GDA: variants seen among roughly 807,000 people sequenced by gnomAD.
The protein encoded by GDA is cytoplasmic PSD-95 interactor.
GDA carries 18 observed loss-of-function variants against 59.6 expected under a neutral mutation model. The ratio of observed to expected loss-of-function variants is 0.30; its 90% CI spans 0.21 to 0.45. The LOEUF (loss-of-function observed/expected upper bound fraction) is 0.45. Ranked by LOEUF, GDA falls within the 20% of genes least tolerant of loss-of-function variation. GDA has a pLI of 1.00. For synonymous variants in GDA, 201 were observed against 201.1 expected, an observed-to-expected ratio of 1.00 and a Z score of 0.00; for missense variants, 427 against 552.3, an observed-to-expected ratio of 0.77 and a Z score of 2.27.
At chr9:72,192,917 GATGCA>G (rs1016255009) in intron 1 of GDA, among the ~76,000 whole-genome samples, 1 of 151,992 alleles carries the variant, frequency 6.6e-6, no homozygotes, top group African/African-American at 2.4e-5. Context: ...ACAACAGTCT[GATGCA>G]TTCTTCATTA....
chr9:72,255,960 G>C (rs889461731), downstream of GDA, among the ~76,000 whole-genome samples: 1 of 134,108 alleles, frequency 7.5e-6, no homozygotes, highest in African/African-American at 2.8e-5. Context: ...GACTAAATAA[G>C]AAGTCAGTAT....
rs1332361299 is a variant in GDA, at chr9:72,249,686, A to T, written c.*1344A>T. ...GTTATTTAAATTCTATATTTTTCTT[A>T]TTTAATTACAAATACTATAAATGAG... On this transcript the variant is annotated 3_prime_UTR_variant, in exon 14 of 14. Transcript: ENST00000358399. The T allele has an allele frequency of 7.6e-5, 50 of 653,626 alleles. No homozygotes were observed. Among genetic ancestry groups the T allele is most frequent in the Non-Finnish European group, 9.3e-5 (49 of 527,378 alleles). The allele number at this position is 653,626 out of a possible 1,614,324, so 40.5% of individuals were successfully genotyped here.
intron 1 of GDA, among the ~76,000 whole-genome samples, chr9:72,186,018 G>T (rs954839787): frequency 2.0e-5 from 3 of 152,154 alleles, no homozygotes; most frequent in African/African-American, 7.2e-5. Context: ...TTAATGACTT[G>T]TGTATATGCT....
intron 1 of GDA, among the ~76,000 whole-genome samples, chr9:72,168,302 A>G (rs1563919741): frequency 1.3e-5 from 2 of 151,214 alleles, no homozygotes; most frequent in Non-Finnish European, 2.9e-5. Context: ...CAGGAGGCTT[A>G]GGTAGAGTAC....
intron 1 of GDA, among the ~76,000 whole-genome samples, chr9:72,120,944 G>C (rs1227009974): frequency 6.6e-6 from 1 of 152,044 alleles, no homozygotes. Flanking sequence ...TTCTCTACTT[G>C]TGCTCTGGAT....
At position 72,229,964 on chromosome 9, in the gene GDA, C is replaced by A. The variant is rs1414519651; in HGVS notation, c.921-1150C>A. Among the ~76,000 whole-genome samples, 9 of 152,226 alleles carry A rather than the reference C, an allele frequency of 5.9e-5. No individual in the cohort carries two copies. The East Asian group carries it at 1.7e-3, about 29-fold the overall frequency. On this transcript the variant is annotated intron_variant, in intron 9 of 13. Coordinates refer to ENST00000358399, the MANE Select transcript of GDA (RefSeq NM_004293.5). The stretch of plus-strand genomic sequence containing the variant: ...TTTAACACCCATTGGGTGTTAATAT[C>A]CTCTAAATTAAAGCATAATCTAGCT...
At chr9:72,162,772 C>T (rs1828797693) in intron 1 of GDA, among the ~76,000 whole-genome samples, 1 of 152,038 alleles carries the variant, frequency 6.6e-6, no homozygotes, top group African/African-American at 2.4e-5. Flanking sequence ...ATTCTCCTGC[C>T]TCAGCCTCCC....
intron 1 of GDA, among the ~76,000 whole-genome samples, chr9:72,159,743 T>C (rs1328880963): frequency 3.3e-5 from 5 of 152,224 alleles, no homozygotes; most frequent in Non-Finnish European, 7.3e-5. Flanking sequence ...AAAACTTAAA[T>C]AATTACTTTT....
chr9:72,228,078 T>G (rs764854501), intron 9 of GDA, 38 bp downstream of exon 9: 2 of 1,171,452 alleles, frequency 1.7e-6, no homozygotes, highest in Middle Eastern at 2.0e-4. Flanking sequence ...TTACGAATGA[T>G]TGGGTTGCAG....
chr9:72,137,132 T>C (rs939492783), intron 1 of GDA, among the ~76,000 whole-genome samples: 23 of 151,886 alleles, frequency 1.5e-4, no homozygotes, highest in African/African-American at 4.8e-4. Context: ...AATGATTTCA[T>C]TGGGGAATTG....
chr9:72,226,815 A>G (rs573911154), intron 8 of GDA, among the ~76,000 whole-genome samples: 24 of 152,228 alleles, frequency 1.6e-4, no homozygotes, highest in Admixed American at 9.8e-4. Context: ...TTATATTTTA[A>G]TAATAATTCT....
chr9:72,117,384 AATG>A (rs1333512870), intron 1 of GDA, among the ~76,000 whole-genome samples: 33 of 152,238 alleles, frequency 2.2e-4, no homozygotes, highest in African/African-American at 7.7e-4. Context: ...ACCTTTATAA[AATG>A]ATAATTTGAG....
upstream of GDA, among the ~76,000 whole-genome samples, chr9:72,146,300 C>T (rs1195728008): frequency 6.6e-6 from 1 of 151,988 alleles, no homozygotes; most frequent in Non-Finnish European, 1.5e-5. Context: ...ATATTCCATG[C>T]CAAGGCGGGG....
At chr9:72,153,267 G>A (rs1827450808) in intron 1 of GDA, among the ~76,000 whole-genome samples, 2 of 152,132 alleles carry the variant, frequency 1.3e-5, no homozygotes, top group South Asian at 4.1e-4. Flanking sequence ...TTGACTTGGT[G>A]ATGCGGGCTC....
intron 5 of GDA, among the ~76,000 whole-genome samples, chr9:72,216,398 C>G (rs1020900608): frequency 6.6e-6 from 1 of 152,172 alleles, no homozygotes; most frequent in South Asian, 2.1e-4. Flanking sequence ...CATATGAGAA[C>G]TTGTCCTGCA....
Position 72,195,602 on chromosome 9 carries a change from T to A in GDA, c.212+14T>A. The A allele has an allele frequency of 1.5e-6, 2 of 1,320,872 alleles. No individual in the cohort carries two copies. Among genetic ancestry groups the A allele is most frequent in the Non-Finnish European group, 2.1e-6 (2 of 940,380 alleles). The allele number at this position is 1,320,872 out of a possible 1,614,324, so 81.8% of individuals were successfully genotyped here. A position where few individuals can be genotyped will look rare whatever the true frequency, so the allele number is the denominator to read the frequency against. ...ACTGAGCCACCAGTAAGTTGTTACT[T>A]CTTCCCTTTTACTGGGTGCCACTAA... On this transcript the variant is annotated intron_variant, in intron 2 of 13. Coordinates refer to ENST00000358399, the MANE Select transcript of GDA (RefSeq NM_004293.5).
intron 4 of GDA, among the ~76,000 whole-genome samples, chr9:72,211,397 A>G (rs1835344160): frequency 6.6e-6 from 1 of 152,218 alleles, no homozygotes; most frequent in South Asian, 2.1e-4. Flanking sequence ...ACGCTCAGAG[A>G]GGATAAGTAA....
At chr9:72,194,984 C>T (rs973505229) in intron 1 of GDA, among the ~76,000 whole-genome samples, 3 of 152,208 alleles carry the variant, frequency 2.0e-5, no homozygotes, top group Non-Finnish European at 2.9e-5. Flanking sequence ...CTCCACACCA[C>T]ATCACCACGC....
At chr9:72,172,409 T>G (rs1830065145) in intron 1 of GDA, among the ~76,000 whole-genome samples, 1 of 152,284 alleles carries the variant, frequency 6.6e-6, no homozygotes, top group African/African-American at 2.4e-5. Context: ...AAGTGAGAAA[T>G]TGAGTATTAC....
Sources: allele counts gnomAD v4.1 joint callset (sites outside exome capture counted in the v4.1 genomes callset), GRCh38; gene constraint gnomAD v4.1.1; transcripts MANE v1.5; gene names NCBI Gene and HGNC (gene_info 2026-07-23, HGNC 2026-07-21).